The following KLHL17 variants were observed in gnomAD, a reference collection of about 807,000 sequenced individuals.
KLHL17 encodes kelch-like protein 17.
Under a neutral mutation model 64.6 loss-of-function variants are expected in KLHL17, and 71 were observed. The ratio of observed to expected loss-of-function variants is 1.10; its 90% CI spans 0.91 to 1.34. The LOEUF is 1.34. KLHL17 is among the 40% of genes most tolerant of loss of function. KLHL17 has a pLI of 0.00. For missense variants in KLHL17, 1,140 were observed against 935.0 expected, an observed-to-expected ratio of 1.22 and a Z score of -2.86; for synonymous variants, 612 against 405.4, an observed-to-expected ratio of 1.51 and a Z score of -6.12.
In KLHL17 at chr1:963,119, C is replaced by T. The variant is rs750522093; in HGVS notation, c.1053C>T (p.Ser351=). The T allele has an allele frequency of 4.3e-6, 7 of 1,611,746 alleles. No individual in the cohort carries two copies. Among genetic ancestry groups the T allele is most frequent in the South Asian group, 2.2e-5 (2 of 90,988 alleles). ...ACCTGCCCTCCCCAGGCGGCGGGAG[C>T]CTGTTTGCCATCCACGGAGACTGTG... The part of the protein sequence containing the change: ...GPVLFAVGGG[S]LFAIHGDCEA... Residue 351 remains serine (S), a synonymous_variant, in exon 7 of 12, where the codon AGC becomes AGT. Transcript: ENST00000338591.
chr1:963,314 C>G, intron 7 of KLHL17, 23 bp from the exon 8 acceptor site: 1 of 1,602,300 alleles, frequency 6.2e-7, no homozygotes, highest in Non-Finnish European at 8.5e-7. Context: ...CAGTCTTGAC[C>G]TGCAGTGGCT....
At position 962,388 on chromosome 1, in the gene KLHL17, G is replaced by A. The variant is rs199639753; in HGVS notation, c.745G>A (p.Val249Met). ...ACTGGTCTCTAGCGACAGCCTGAAC[G>A]TGCCTTCAGAGGAGGAGGTCTACCG... The part of the protein sequence containing the change: ...LELVSSDSLN[V>M]PSEEEVYRAV... The change falls in exon 5 of 12, where the codon GTG (valine) becomes ATG (methionine). Residue 249 changes from valine to methionine, a missense_variant. Val to Met is a conservative substitution (Grantham distance 21). Coordinates refer to ENST00000338591, the MANE Select transcript of KLHL17 (RefSeq NM_198317.3). 35 of 1,612,686 alleles carry A rather than the reference G, an allele frequency of 2.2e-5. No individual in the cohort carries two copies. Among genetic ancestry groups the A allele is most frequent in the Admixed American group, 1.7e-4 (10 of 59,994 alleles).
In KLHL17 at chr1:964,155, C is replaced by T. The variant is rs1642785905; in HGVS notation, c.1493C>T (p.Ala498Val). ...GGCTACGACAGCTCCTCACACCTGGCCACTGTGGAGAAGTATGAGCCCCAG... is the reference window on the plus strand; with the variant it reads ...GGCTACGACAGCTCCTCACACCTGGTCACTGTGGAGAAGTATGAGCCCCAG... ...VGGYDSSSHL[A>V]TVEKYEPQVN... Residue 498 changes from alanine (A) to valine (V), a missense_variant, in exon 10 of 12, where the codon GCC becomes GTC. Physicochemically the swap from Ala to Val is moderately conservative, Grantham distance 64. Coordinates refer to ENST00000338591, the MANE Select transcript of KLHL17 (RefSeq NM_198317.3). The T allele has an allele frequency of 6.2e-6, 10 of 1,612,602 alleles. No homozygotes were observed. The South Asian group carries it at 6.6e-5, about 11-fold the overall frequency.
chr1:964,138 C>T lies in KLHL17; in HGVS notation c.1476C>T (p.Asp492=), dbSNP rs755717519. ...DGNLYAVGGY[D]SSSHLATVEK... ...ACCTGTATGCTGTGGGCGGCTACGA[C>T]AGCTCCTCACACCTGGCCACTGTGG... The change falls in exon 10 of 12, where the codon GAC becomes GAT. Residue 492 remains aspartate, a synonymous_variant. Transcript: ENST00000338591. The T allele has an allele frequency of 8.1e-6, 13 of 1,612,594 alleles. No individual in the cohort carries two copies. The highest frequency in any genetic ancestry group is 3.3e-5 in the South Asian group (3 of 91,088).
intron 6 of KLHL17, 62 bp from the exon 7 acceptor site, chr1:963,047 C>A: frequency 1.3e-6 from 2 of 1,585,260 alleles, no homozygotes; most frequent in Non-Finnish European, 1.7e-6. Flanking sequence ...TCTCCAGGAG[C>A]CTGGGGTGTG....
Position 961,704 on chromosome 1 carries a change from A to T in KLHL17, c.443A>T (p.Gln148Leu), listed in dbSNP as rs758273821. ...IDPQALDQLV[Q>L]FAYTAEIVVG... ...CCTCAGGCCTTGGACCAGCTGGTGC[A>T]GTTTGCCTACACGGCTGAGATTGTG... The change falls in exon 3 of 12, where the codon CAG becomes CTG. Residue 148 changes from glutamine (Q) to leucine (L), a missense_variant. By Grantham distance (113) the Gln-to-Leu change is moderately radical. Coordinates refer to ENST00000338591, the MANE Select transcript of KLHL17 (RefSeq NM_198317.3). The T allele has an allele frequency of 2.5e-6, 4 of 1,612,370 alleles. No homozygotes were observed. The Admixed American group carries it at 6.7e-5, about 27-fold the overall frequency.
intron 4 of KLHL17, 64 bp from the exon 5 acceptor site, chr1:962,291 T>C: frequency 6.2e-7 from 1 of 1,608,090 alleles, no homozygotes; most frequent in Non-Finnish European, 8.5e-7. Flanking sequence ...CCTAGGCATC[T>C]TCAGGGCTCC....
chr1:964,871 C>T lies in KLHL17; in HGVS notation c.1701-92C>T, dbSNP rs963899333. The T allele has an allele frequency of 4.4e-5, 45 of 1,034,378 alleles. 3 individuals are homozygous for T. Among genetic ancestry groups the T allele is most frequent in the African/African-American group, 2.8e-4 (18 of 65,388 alleles). The allele number at this position is 1,034,378 out of a possible 1,614,324, so 64.1% of individuals were successfully genotyped here. On this transcript the variant is annotated intron_variant, in intron 11 of 11. Coordinates refer to ENST00000338591, the MANE Select transcript of KLHL17 (RefSeq NM_198317.3). ...GAGAAGGGAGTTCTCCCAACCTCAG[C>T]GAGCATGTCCCGCCACCACCCCTTT...
Position 964,423 on chromosome 1 carries a change from C to T in KLHL17, c.1593C>T (p.Ala531=), listed in dbSNP as rs761387569. 7 of 1,553,574 alleles carry T rather than the reference C, an allele frequency of 4.5e-6. No homozygotes were observed. The highest frequency in any genetic ancestry group is 3.6e-5 in the South Asian group (3 of 84,480). The change falls in exon 11 of 12, where the codon GCC becomes GCT. Residue 531 remains alanine, a synonymous_variant. Transcript: ENST00000338591. The part of the protein sequence containing the change: ...SSAGVAVLEG[A]LYVAGGNDGT... The stretch of plus-strand genomic sequence containing the variant: ...CGGGCGTGGCCGTGCTGGAGGGTGC[C>T]CTGTACGTGGCAGGGGGCAACGACG...
intron 10 of KLHL17, 55 bp downstream of exon 10, chr1:964,235 C>G: frequency 6.2e-7 from 1 of 1,604,390 alleles, no homozygotes; most frequent in South Asian, 1.1e-5. Flanking sequence ...GGGCCCTCCT[C>G]CCTCTGTTTA....
In KLHL17 at chr1:965,197, C is replaced by G; in HGVS notation, c.*6C>G. On this transcript the variant is annotated 3_prime_UTR_variant, in exon 12 of 12. Transcript: ENST00000338591. ...TGTCCTCCACCAGCCTCTGACCCAC[C>G]TACCACCAGAGGCCTGCAGCCTCCC... is the stretch of plus-strand genomic sequence containing the variant. The G allele has an allele frequency of 1.2e-6, 2 of 1,611,082 alleles. No individual in the cohort carries two copies. The highest frequency in any genetic ancestry group is 1.7e-6 in the Non-Finnish European group (2 of 1,178,834).
chr1:962,861 C>G lies in KLHL17; in HGVS notation c.986C>G (p.Thr329Ser). ...CCTGAGCAGAGGGGCGTCCTAGGCACCAGCCGCACACGTCCCCGGCGCTGC... is the reference window on the plus strand; with the variant it reads ...CCTGAGCAGAGGGGCGTCCTAGGCAGCAGCCGCACACGTCCCCGGCGCTGC... ...LLPEQRGVLG[T>S]SRTRPRRCEG... Residue 329 changes from threonine (T) to serine (S), a missense_variant, in exon 6 of 12, where the codon ACC (threonine) becomes AGC (serine). Physicochemically the swap from Thr to Ser is moderately conservative, Grantham distance 58. Transcript: ENST00000338591. 3 of 1,591,284 alleles carry G rather than the reference C, an allele frequency of 1.9e-6. No homozygotes were observed. The highest frequency in any genetic ancestry group is 2.6e-6 in the Non-Finnish European group (3 of 1,172,920).
In KLHL17 at chr1:963,511, G is replaced by C; in HGVS notation, c.1355+7G>C. On this transcript the variant is annotated splice_region_variant and intron_variant, in intron 8 of 11. Transcript: ENST00000338591. ...GGGCCTCCTGCCTGAACAGGTAGTT[G>C]GGGTTGGGGCCCCAGTGGCTTTGTA... 1 of 1,602,350 alleles carries C rather than the reference G, an allele frequency of 6.2e-7. No individual in the cohort carries two copies. The highest frequency in any genetic ancestry group is 8.5e-7 in the Non-Finnish European group (1 of 1,173,508).
At position 962,799 on chromosome 1, in the gene KLHL17, G is replaced by A. The variant is rs766201858; in HGVS notation, c.924G>A (p.Lys308=). The A allele has an allele frequency of 1.7e-5, 27 of 1,610,606 alleles. No individual in the cohort carries two copies. The highest frequency in any genetic ancestry group is 2.2e-5 in the Non-Finnish European group (26 of 1,179,588). Residue 308 remains lysine (K), a synonymous_variant, in exon 6 of 12, where the codon AAG becomes AAA. Coordinates refer to ENST00000338591, the MANE Select transcript of KLHL17 (RefSeq NM_198317.3). ...ESLVRHHPDC[K]DLLIEALKFH... is the part of the protein sequence containing the mutation. The stretch of plus-strand genomic sequence containing the variant: ...TGGTGAGGCACCACCCTGACTGCAA[G>A]GACCTCCTCATCGAGGCCCTGAAGT...
At position 960,708 on chromosome 1, in the gene KLHL17, C is replaced by G; in HGVS notation, c.15C>G (p.Ser5Arg). ...CCGGCAGCCGAATGCAGCCCCGCAG[C>G]GAGCGCCCGGCCGGCAGGACGCAGA... MQPR[S>R]ERPAGRTQSP... The change falls in exon 1 of 12, where the codon AGC becomes AGG. Residue 5 changes from serine (S) to arginine (R), a missense_variant. Coordinates refer to ENST00000338591, the MANE Select transcript of KLHL17 (RefSeq NM_198317.3). The G allele has an allele frequency of 7.4e-7, 1 of 1,352,134 alleles. No individual in the cohort carries two copies. The allele number at this position is 1,352,134 out of a possible 1,614,324, so 83.8% of individuals were successfully genotyped here.
intron 8 of KLHL17, 86 bp downstream of exon 8, chr1:963,590 TG>T: frequency 6.9e-7 from 1 of 1,443,048 alleles, no homozygotes; most frequent in Non-Finnish European, 9.3e-7. Flanking sequence ...TCGTATCTGA[TG>T]GGGTGTTAAA....
At position 963,901 on chromosome 1, in the gene KLHL17, G is replaced by A; in HGVS notation, c.1356-19G>A. The A allele has an allele frequency of 1.2e-6, 2 of 1,611,296 alleles. No homozygotes were observed. Among genetic ancestry groups the A allele is most frequent in the African/African-American group, 1.3e-5 (1 of 75,026 alleles). On this transcript the variant is annotated intron_variant, in intron 8 of 11. Coordinates refer to ENST00000338591, the MANE Select transcript of KLHL17 (RefSeq NM_198317.3). ...TTTCTGTCTCTGCTGAGCTGTGGCT[G>A]CGGTCCTGGTGCCCACAGTGCTGAA... is the stretch of plus-strand genomic sequence containing the variant.
chr1:962,281 C>T (rs748276769), intron 4 of KLHL17, 74 bp from the exon 5 acceptor site: 4 of 1,607,202 alleles, frequency 2.5e-6, no homozygotes, highest in African/African-American at 1.3e-5. Flanking sequence ...AACCCTCCCT[C>T]CTAGGCATCT....
In KLHL17 at chr1:963,956, G is replaced by T. The variant is rs192804372; in HGVS notation, c.1392G>T (p.Thr464=). Reference sequence around the variant, plus strand: ...ACGACCCCCTGACCGGAACGTGGACGTCCGTCGCTGCCATGAGCACCCGGA... The same window carrying T: ...ACGACCCCCTGACCGGAACGTGGACTTCCGTCGCTGCCATGAGCACCCGGA... ...ERYDPLTGTW[T]SVAAMSTRRR... is the part of the protein sequence containing the mutation. Residue 464 remains threonine (T), a synonymous_variant, in exon 9 of 12, where the codon ACG becomes ACT. Coordinates refer to ENST00000338591, the MANE Select transcript of KLHL17 (RefSeq NM_198317.3). 1 of 1,612,514 alleles carries T rather than the reference G, an allele frequency of 6.2e-7. No individual in the cohort carries two copies.
Sources: gnomAD v4.1 joint callset for allele counts on GRCh38, gnomAD v4.1.1 for gene constraint, MANE v1.5 for transcripts, NCBI Gene and HGNC (gene_info 2026-07-23, HGNC 2026-07-21) for gene names.